The following CNTN3 variants were observed in gnomAD, a reference collection of about 807,000 sequenced individuals.
The protein encoded by CNTN3 is contactin 3, also known as contactin-3.
CNTN3 carries 60 observed loss-of-function variants against 119.1 expected under a neutral mutation model. That is an observed-to-expected ratio of 0.50 (90% CI 0.41 to 0.62). The LOEUF (loss-of-function observed/expected upper bound fraction) is 0.62, where lower values mean the gene tolerates loss of function less well. Among genes scored for constraint, CNTN3 ranks in the 20% least tolerant of loss-of-function variants. The pLI is 0.00. For missense variants in CNTN3, 1,101 were observed against 1,242.4 expected, an observed-to-expected ratio of 0.89 and a Z score of 1.71; for synonymous variants, 450 against 438.7, an observed-to-expected ratio of 1.03 and a Z score of -0.32.
At chr3:74,508,477 A>G (rs1351342598) in intron 2 of CNTN3, among the ~76,000 whole-genome samples, 1 of 152,136 alleles carries the variant, frequency 6.6e-6, no homozygotes, top group Non-Finnish European at 1.5e-5. Flanking sequence ...CTAGGCTTAC[A>G]TTTGTTAAAC....
chr3:74,535,893 T>C (rs1158621067), intron 1 of CNTN3, among the ~76,000 whole-genome samples: 1 of 152,132 alleles, frequency 6.6e-6, no homozygotes, highest in Non-Finnish European at 1.5e-5. Flanking sequence ...TTGAAACCTC[T>C]AACCAAAATG....
At chr3:74,413,816 C>T (rs1701476350) in intron 5 of CNTN3, among the ~76,000 whole-genome samples, 1 of 152,152 alleles carries the variant, frequency 6.6e-6, no homozygotes, top group Non-Finnish European at 1.5e-5. Context: ...TGAGGAAAAA[C>T]AGGTTTTAAA....
intron 11 of CNTN3, among the ~76,000 whole-genome samples, chr3:74,337,035 T>C (rs1040878073): frequency 1.8e-4 from 27 of 152,124 alleles, no homozygotes; most frequent in African/African-American, 6.5e-4. Flanking sequence ...TTTAAAGAAA[T>C]GCAAAGTAGG....
intron 5 of CNTN3, among the ~76,000 whole-genome samples, chr3:74,400,439 A>G (rs12497830): frequency 0.39 from 58,866 of 152,002 alleles, 12,141 homozygotes; most frequent in East Asian, 0.64. Context: ...CTAGTCATTA[A>G]CACATTTTCT....
chr3:74,440,053 A>T (rs552433632), intron 4 of CNTN3, among the ~76,000 whole-genome samples: 1 of 152,346 alleles, frequency 6.6e-6, no homozygotes. Context: ...GTATATGACA[A>T]CACCATATTT....
chr3:74,412,648 G>A (rs1174298426), intron 5 of CNTN3, among the ~76,000 whole-genome samples: 1 of 152,108 alleles, frequency 6.6e-6, no homozygotes, highest in Non-Finnish European at 1.5e-5. Flanking sequence ...GCTGTGTCCT[G>A]TAGGCTGAAG....
chr3:74,378,924 G>A (rs1016882369), intron 5 of CNTN3, among the ~76,000 whole-genome samples: 3 of 152,028 alleles, frequency 2.0e-5, no homozygotes, highest in Admixed American at 6.6e-5. Flanking sequence ...CTAAGACTTT[G>A]GTACTCACTA....
chr3:74,469,941 C>G (rs1180116741), intron 4 of CNTN3, among the ~76,000 whole-genome samples: 2 of 152,078 alleles, frequency 1.3e-5, no homozygotes, highest in Non-Finnish European at 1.5e-5. Flanking sequence ...AATGAAAAAG[C>G]AGAAACAACC....
intron 2 of CNTN3, among the ~76,000 whole-genome samples, chr3:74,504,564 T>G (rs1201820059): frequency 3.3e-5 from 5 of 152,164 alleles, no homozygotes. Flanking sequence ...TTTATATGCT[T>G]CCAATGTCAG....
intron 5 of CNTN3, among the ~76,000 whole-genome samples, chr3:74,394,417 C>A (rs999880826): frequency 2.6e-5 from 4 of 152,046 alleles, no homozygotes; most frequent in Non-Finnish European, 5.9e-5. Context: ...TTTTTAAATC[C>A]ATTATAGAGC....
At chr3:74,528,373 T>C (rs1233341911) in intron 1 of CNTN3, among the ~76,000 whole-genome samples, 1 of 151,914 alleles carries the variant, frequency 6.6e-6, no homozygotes, top group Non-Finnish European at 1.5e-5. Context: ...GGAAACTAAA[T>C]AGTAATGTAA....
chr3:74,476,563 G>A (rs939874835), intron 4 of CNTN3, among the ~76,000 whole-genome samples: 1 of 152,070 alleles, frequency 6.6e-6, no homozygotes, highest in African/African-American at 2.4e-5. Flanking sequence ...TACAACAAGA[G>A]TCAGCAGATC....
intron 4 of CNTN3, among the ~76,000 whole-genome samples, chr3:74,455,534 T>C (rs1267332634): frequency 6.6e-6 from 1 of 152,168 alleles, no homozygotes; most frequent in Non-Finnish European, 1.5e-5. Flanking sequence ...TTTGTTCCAT[T>C]GCTGGTGAGG....
intron 20 of CNTN3, among the ~76,000 whole-genome samples, chr3:74,283,420 C>T (rs1484139735): frequency 3.3e-5 from 5 of 152,128 alleles, no homozygotes; most frequent in African/African-American, 7.2e-5. Flanking sequence ...ATTTCTACTT[C>T]GGATTGGGCG....
chr3:74,440,353 A>T (rs910591937), intron 4 of CNTN3, among the ~76,000 whole-genome samples: 2 of 152,182 alleles, frequency 1.3e-5, no homozygotes, highest in Non-Finnish European at 2.9e-5. Flanking sequence ...TTAATCTTAC[A>T]TGAGACAAGT....
intron 13 of CNTN3, among the ~76,000 whole-genome samples, chr3:74,313,752 A>T (rs635369): frequency 0.076 from 11,592 of 152,154 alleles, 519 homozygotes; most frequent in East Asian, 0.19. Context: ...CTGGCCTTGT[A>T]TGTACATGAA....
chr3:74,326,458 T>C (rs906905701), intron 13 of CNTN3, among the ~76,000 whole-genome samples: 2 of 152,124 alleles, frequency 1.3e-5, no homozygotes, highest in Non-Finnish European at 2.9e-5. Flanking sequence ...AAGCATTTAT[T>C]TGTGTTGGGA....
At chr3:74,394,463 A>G (rs1704996080) in intron 5 of CNTN3, among the ~76,000 whole-genome samples, 1 of 152,172 alleles carries the variant, frequency 6.6e-6, no homozygotes, top group Non-Finnish European at 1.5e-5. Flanking sequence ...AGTGACATCA[A>G]GGGTGTACAT....
intron 2 of CNTN3, among the ~76,000 whole-genome samples, chr3:74,515,152 T>C (rs966174603): frequency 6.6e-6 from 1 of 152,038 alleles, no homozygotes; most frequent in Non-Finnish European, 1.5e-5. Flanking sequence ...GATTTTTCAC[T>C]CCATAGAGTC....
Sources: allele counts gnomAD v4.1 joint callset (sites outside exome capture counted in the v4.1 genomes callset), GRCh38; gene constraint gnomAD v4.1.1; transcripts MANE v1.5; gene names NCBI Gene and HGNC (gene_info 2026-07-23, HGNC 2026-07-21).